Variants in FANCM observed in about 807,000 individuals in gnomAD.
The protein encoded by FANCM is FA complementation group M, also known as Fanconi anemia group M protein.
A neutral mutation model predicts 199.5 loss-of-function variants in FANCM; 140 were observed. That is an observed-to-expected ratio of 0.70 (90% CI 0.61 to 0.81). The LOEUF (loss-of-function observed/expected upper bound fraction) is 0.81, where lower values mean the gene tolerates loss of function less well. Among genes scored for constraint, FANCM ranks in the 30% least tolerant of loss-of-function variants. FANCM has a pLI of 0.00. For missense variants in FANCM, 2,410 were observed against 2,421.4 expected (o/e 1.00, Z 0.10); for synonymous variants, 840 against 836.8 (o/e 1.00, Z -0.07).
intron 21 of FANCM, among the ~76,000 whole-genome samples, chr14:45,197,740 C>T (rs1369570669): frequency 6.7e-6 from 1 of 149,312 alleles, no homozygotes; most frequent in Non-Finnish European, 1.5e-5. Context: ...GCTGGGATTA[C>T]AGGCATGAGC....
At chr14:45,153,688 GAAAT>G (rs773477300) in intron 5 of FANCM, among the ~76,000 whole-genome samples, 7 of 151,958 alleles carry the variant, frequency 4.6e-5, no homozygotes, top group Admixed American at 6.6e-5. Flanking sequence ...TAAAGAAAAA[GAAAT>G]AAAGGGGCAG....
At chr14:45,151,748 G>A (rs1347144958) in intron 5 of FANCM, among the ~76,000 whole-genome samples, 1 of 151,960 alleles carries the variant, frequency 6.6e-6, no homozygotes, top group Non-Finnish European at 1.5e-5. Flanking sequence ...AACATAGTGA[G>A]GCCCTGTCTC....
chr14:45,150,120 A>G (rs1007131490), intron 4 of FANCM, among the ~76,000 whole-genome samples: 2 of 152,246 alleles, frequency 1.3e-5, no homozygotes, highest in Non-Finnish European at 2.9e-5. Context: ...AAAGATGGTT[A>G]CAGAAATAGA....
intron 2 of FANCM, chr14:45,137,701 A>G (rs1885621815): frequency 5.8e-6 from 1 of 173,836 alleles, no homozygotes; most frequent in Admixed American, 5.5e-5. Flanking sequence ...AATAAGATGA[A>G]GTAGTGGGAT....
chr14:45,170,204 A>G (rs991388923), intron 11 of FANCM, among the ~76,000 whole-genome samples: 11 of 152,216 alleles, frequency 7.2e-5, no homozygotes, highest in Non-Finnish European at 1.6e-4. Context: ...TTTCAGAGGT[A>G]AGAGAAGTTT....
chr14:45,167,223 A>G, intron 11 of FANCM, 60 bp downstream of exon 11: 1 of 923,142 alleles, frequency 1.1e-6, no homozygotes, highest in Admixed American at 1.7e-5. Context: ...AGCAGGTCGT[A>G]TCTTGATATA....
intron 3 of FANCM, among the ~76,000 whole-genome samples, chr14:45,148,198 A>ACAC (rs1886557294): frequency 7.7e-6 from 1 of 129,248 alleles, no homozygotes; most frequent in Non-Finnish European, 1.6e-5. Context: ...CACCGTCTCA[A>ACAC]AAACACACAC....
At chr14:45,189,407 A>T (rs1889629357) in intron 20 of FANCM, 45 bp downstream of exon 20, 1 of 1,441,448 alleles carries the variant, frequency 6.9e-7, no homozygotes, top group African/African-American at 1.4e-5. Context: ...GGTTACCAGA[A>T]GTTTTTCTTT....
At chr14:45,179,819 C>T (rs1888955034) in intron 14 of FANCM, among the ~76,000 whole-genome samples, 1 of 152,140 alleles carries the variant, frequency 6.6e-6, no homozygotes, top group Non-Finnish European at 1.5e-5. Flanking sequence ...CTCTGCCTCC[C>T]AAAGTGCTGG....
intron 8 of FANCM, 126 bp from the exon 9 acceptor site, chr14:45,158,970 C>G: frequency 1.4e-5 from 9 of 661,034 alleles, no homozygotes. Context: ...CCACATCCAG[C>G]TGAATTATTT....
At chr14:45,147,441 C>A (rs1273108420) in intron 3 of FANCM, among the ~76,000 whole-genome samples, 1 of 152,002 alleles carries the variant, frequency 6.6e-6, no homozygotes, top group African/African-American at 2.4e-5. Context: ...CTTGCCACTT[C>A]GCCAGCAATT....
At chr14:45,151,349 A>G (rs764102567) in intron 4 of FANCM, 48 bp from the exon 5 acceptor site, 1 of 1,563,490 alleles carries the variant, frequency 6.4e-7, no homozygotes, top group Non-Finnish European at 8.8e-7. Context: ...TTGTACTTGA[A>G]AAAGGACTTT....
chr14:45,181,196 A>T lies in FANCM; in HGVS notation c.4223-234A>T, dbSNP rs114245176. On this transcript the variant is annotated intron_variant, in intron 14 of 22. Coordinates refer to ENST00000267430, the MANE Select transcript of FANCM (RefSeq NM_020937.4). ...ATTTATAAAATTGAACTTCATTCAAATATGTGTTTATTAGCAAAAGATATT... is the reference window on the plus strand; with the variant it reads ...ATTTATAAAATTGAACTTCATTCAATTATGTGTTTATTAGCAAAAGATATT... 0.028 allele frequency among the ~76,000 whole-genome samples: 4,338 copies of T among 152,246 alleles called. 134 individuals are homozygous for T. The highest frequency in any genetic ancestry group is 0.072 in the African/African-American group (2,981 of 41,546).
chr14:45,176,636 T>C lies in FANCM; in HGVS notation c.3882T>C (p.Val1294=), dbSNP rs774984454. The change falls in exon 14 of 23, where the codon GTT becomes GTC. Residue 1294 remains valine (V), a synonymous_variant. Coordinates refer to ENST00000267430, the MANE Select transcript of FANCM (RefSeq NM_020937.4). ...DHSKNFTSGT[V]IIPSNEDMQN... ...GTAAAAATTTTACTAGTGGAACTGT[T>C]ATTATCCCATCAAATGAAGATATGC... 5.0e-6 allele frequency: 8 copies of C among 1,613,506 alleles called. No individual in the cohort carries two copies. The Admixed American group carries it at 1.2e-4, about 24-fold the overall frequency.
intron 21 of FANCM, among the ~76,000 whole-genome samples, chr14:45,197,245 T>C (rs1890109719): frequency 6.6e-6 from 1 of 152,168 alleles, no homozygotes; most frequent in Admixed American, 6.5e-5. Flanking sequence ...GAGGAACTGA[T>C]AATACACTTG....
In FANCM at chr14:45,175,753, C is replaced by T; in HGVS notation, c.2999C>T (p.Pro1000Leu). The change falls in exon 14 of 23, where the codon CCT becomes CTT. Residue 1000 changes from proline (P) to leucine (L), a missense_variant. By Grantham distance (98) the Pro-to-Leu change is moderately conservative. Coordinates refer to ENST00000267430, the MANE Select transcript of FANCM (RefSeq NM_020937.4). ...VERFLSYSPP[P>L]LSGLSDLEYE... ...AGATTTTTATCTTATTCTCCTCCGC[C>T]TCTCAGTGGACTCTCAGACTTGGAA... 6.2e-7 allele frequency: 1 copy of T among 1,613,672 alleles called. No individual in the cohort carries two copies. The highest frequency in any genetic ancestry group is 8.5e-7 in the Non-Finnish European group (1 of 1,179,766).
Position 45,176,033 on chromosome 14 carries a change from T to C in FANCM, c.3279T>C (p.Asn1093=), listed in dbSNP as rs765177722. 6.2e-7 allele frequency: 1 copy of C among 1,613,882 alleles called. No individual in the cohort carries two copies. The highest frequency in any genetic ancestry group is 8.5e-7 in the Non-Finnish European group (1 of 1,179,836). ...TACATAAACATAATCAAAATGAAAA[T>C]TTAGTACCTAACAATCGTGTTCAAA... ...CDVHKHNQNE[N]LVPNNRVQIH... is the part of the protein sequence containing the mutation. Residue 1093 remains asparagine (N), a synonymous_variant, in exon 14 of 23, where the codon AAT becomes AAC. Transcript: ENST00000267430.
Position 45,140,690 on chromosome 14 carries a change from C to T in FANCM, c.740C>T (p.Thr247Ile). The T allele has an allele frequency of 1.9e-6, 3 of 1,592,660 alleles. No homozygotes were observed. The highest frequency in any genetic ancestry group is 2.6e-6 in the Non-Finnish European group (3 of 1,161,106). Residue 247 changes from threonine to isoleucine, a missense_variant, in exon 3 of 23, where the codon ACA becomes ATA. Thr to Ile is a moderately conservative substitution (Grantham distance 89, BLOSUM62 -1). Coordinates refer to ENST00000267430, the MANE Select transcript of FANCM (RefSeq NM_020937.4). ...NHFRILALSA[T>I]PGSDIKAVQQ... ...TTTAGAATCTTGGCTCTAAGTGCCA[C>T]ACCAGGTAGTGATATAAAGGTAAGT... is the stretch of plus-strand genomic sequence containing the variant.
At chr14:45,193,245 A>G (rs1889873119) in intron 20 of FANCM, among the ~76,000 whole-genome samples, 2 of 152,204 alleles carry the variant, frequency 1.3e-5, no homozygotes, top group Admixed American at 1.3e-4. Context: ...TTAAGCCTAG[A>G]CAATTAGAGG....
Sources: allele counts gnomAD v4.1 joint callset (sites outside exome capture counted in the v4.1 genomes callset), GRCh38; gene constraint gnomAD v4.1.1; transcripts MANE v1.5; gene names NCBI Gene and HGNC (gene_info 2026-07-23, HGNC 2026-07-21).